GLIS3: variants seen among roughly 807,000 people sequenced by gnomAD.
The protein encoded by GLIS3 is GLIS family zinc finger 3, also known as zinc finger protein GLIS3.
Under a neutral mutation model 78.6 loss-of-function variants are expected in GLIS3, and 53 were observed. The observed-to-expected ratio is 0.67, with a 90% CI of 0.54 to 0.85. GLIS3 has a LOEUF of 0.85. Ranked by LOEUF, GLIS3 falls within the 40% of genes least tolerant of loss-of-function variation. The probability of loss-of-function intolerance (pLI) is 0.00; values close to 1 mark genes in which losing one functional copy is unlikely to be tolerated. For synonymous variants in GLIS3, 684 were observed against 509.9 expected (o/e 1.34, Z -4.60); for missense variants, 1,703 against 1,231.1 (o/e 1.38, Z -5.74).
At chr9:3,854,839 C>T (rs574638948) in intron 9 of GLIS3, among the ~76,000 whole-genome samples, 1 of 152,242 alleles carries the variant, frequency 6.6e-6, no homozygotes, top group East Asian at 1.9e-4. Flanking sequence ...CCACCATGCC[C>T]AGCCTACTTT....
intron 2 of GLIS3, among the ~76,000 whole-genome samples, chr9:4,255,683 G>C (rs866235505): frequency 1.3e-5 from 2 of 152,120 alleles, no homozygotes; most frequent in South Asian, 4.1e-4. Flanking sequence ...AGAGTAAAAA[G>C]ATCAGTGGTT....
intron 2 of GLIS3, among the ~76,000 whole-genome samples, chr9:4,195,662 G>A (rs1336184162): frequency 3.3e-5 from 5 of 152,274 alleles, no homozygotes; most frequent in South Asian, 2.1e-4. Context: ...ACCGCCCAAG[G>A]GCTATGGCAT....
chr9:4,258,699 G>A (rs1048827911), intron 2 of GLIS3, among the ~76,000 whole-genome samples: 2 of 152,280 alleles, frequency 1.3e-5, no homozygotes, highest in East Asian at 1.9e-4. Flanking sequence ...TTGAGTGGCA[G>A]AACTGGGGGT....
At chr9:3,905,411 C>G (rs1823629979) in intron 6 of GLIS3, among the ~76,000 whole-genome samples, 1 of 152,144 alleles carries the variant, frequency 6.6e-6, no homozygotes, top group Admixed American at 6.5e-5. Flanking sequence ...TGTGTATATT[C>G]TGACACCATG....
chr9:4,064,593 C>T (rs62521687), intron 4 of GLIS3, among the ~76,000 whole-genome samples: 2,816 of 152,168 alleles, frequency 0.019, 37 homozygotes, highest in Middle Eastern at 0.034. Flanking sequence ...AGTTTGAGAC[C>T]AGACTGGCCA....
intron 2 of GLIS3, among the ~76,000 whole-genome samples, chr9:4,160,300 G>C (rs1229043195): frequency 6.6e-6 from 1 of 152,214 alleles, no homozygotes; most frequent in Non-Finnish European, 1.5e-5. Context: ...GCACTGACAG[G>C]CTTCAAGACC....
intron 2 of GLIS3, among the ~76,000 whole-genome samples, chr9:4,216,915 G>C (rs1434185237): frequency 1.3e-5 from 2 of 152,140 alleles, no homozygotes; most frequent in African/African-American, 4.8e-5. Context: ...AAATTGATCT[G>C]ATTTGCACAA....
chr9:4,189,952 A>G (rs887260525), intron 2 of GLIS3, among the ~76,000 whole-genome samples: 3 of 152,154 alleles, frequency 2.0e-5, no homozygotes, highest in Non-Finnish European at 4.4e-5. Flanking sequence ...GCAAACTCCA[A>G]GAGACCTGCA....
rs886063949 is a variant in GLIS3 at position 3,827,454 on chromosome 9, G to A, written c.*818C>T. The A allele has an allele frequency of 4.6e-5, 7 of 152,300 alleles. No individual in the cohort carries two copies. The highest frequency in any genetic ancestry group is 7.3e-5 in the Non-Finnish European group (5 of 68,142). The allele number at this position is 152,300 out of a possible 1,614,324, so 9.4% of individuals were successfully genotyped here. ...TTCCAGCTACAGGACTGTTGGTGCGGGAGGTGCCCACTCCATTTCCCTCAG... is the reference window on the plus strand; with the variant it reads ...TTCCAGCTACAGGACTGTTGGTGCGAGAGGTGCCCACTCCATTTCCCTCAG... On this transcript the variant is annotated 3_prime_UTR_variant, in exon 11 of 11. Coordinates refer to ENST00000381971, the MANE Select transcript of GLIS3 (RefSeq NM_001042413.2).
the GLIS3 span, among the ~76,000 whole-genome samples, chr9:4,393,249 A>T: frequency 2.0e-5 from 3 of 152,080 alleles, no homozygotes; most frequent in Non-Finnish European, 4.4e-5. Context: ...TATTTCTGTT[A>T]CTATTTCTAT....
At chr9:4,211,462 G>C (rs1172057781) in intron 2 of GLIS3, among the ~76,000 whole-genome samples, 1 of 152,214 alleles carries the variant, frequency 6.6e-6, no homozygotes, top group Non-Finnish European at 1.5e-5. Flanking sequence ...TGTAAGGAAA[G>C]AGACACTGTG....
chr9:4,459,974 G>A, the GLIS3 span, among the ~76,000 whole-genome samples: 1 of 152,100 alleles, frequency 6.6e-6, no homozygotes, highest in African/African-American at 2.4e-5. Context: ...AATAAGAGCT[G>A]TTTCAGTAGA....
Position 3,948,260 on chromosome 9 carries a change from C to A in GLIS3, c.1711-11071G>T, listed in dbSNP as rs115978224. On this transcript the variant is annotated intron_variant, in intron 4 of 10. Transcript: ENST00000381971. The stretch of plus-strand genomic sequence containing the variant: ...AAACCCTTCATTCTTTCCGCTTGCT[C>A]TTCTCCTTTCTTGTGCTGATTTTAA... Among the ~76,000 whole-genome samples, 790 of 152,302 alleles carry A rather than the reference C, an allele frequency of 5.2e-3. 11 individuals carry two copies. Among genetic ancestry groups the A allele is most frequent in the African/African-American group, 0.018 (758 of 41,574 alleles).
chr9:3,924,825 A>G (rs1483959796), intron 6 of GLIS3, among the ~76,000 whole-genome samples: 1 of 152,214 alleles, frequency 6.6e-6, no homozygotes, highest in Non-Finnish European at 1.5e-5. Context: ...TGAGCTAAAC[A>G]CTTTTATTCC....
intron 9 of GLIS3, among the ~76,000 whole-genome samples, chr9:3,836,011 G>T (rs559724452): frequency 2.0e-5 from 3 of 152,306 alleles, no homozygotes; most frequent in South Asian, 4.1e-4. Flanking sequence ...ACATAGAGAT[G>T]TAATTCTCTT....
chr9:4,441,378 G>A, the GLIS3 span, among the ~76,000 whole-genome samples: 12 of 152,172 alleles, frequency 7.9e-5, no homozygotes, highest in East Asian at 9.6e-4. Flanking sequence ...GTTGAATTTC[G>A]TCAAATGCTT....
the GLIS3 span, among the ~76,000 whole-genome samples, chr9:4,408,725 T>C: frequency 4.9e-5 from 3 of 60,708 alleles, no homozygotes; most frequent in African/African-American, 1.2e-4. Context: ...AGACTCTGTC[T>C]CAAAAAAAAA....
chr9:4,210,788 T>C (rs905506274), intron 2 of GLIS3, among the ~76,000 whole-genome samples: 1 of 152,232 alleles, frequency 6.6e-6, no homozygotes, highest in Non-Finnish European at 1.5e-5. Flanking sequence ...AGTCTCCTTA[T>C]GGTCTCACCA....
intron 4 of GLIS3, among the ~76,000 whole-genome samples, chr9:3,960,530 T>C (rs1791165227): frequency 6.6e-6 from 1 of 152,210 alleles, no homozygotes; most frequent in South Asian, 2.1e-4. Context: ...GCAGGGGTCT[T>C]CTCTTGCTTT....
Sources: allele counts gnomAD v4.1 joint callset (sites outside exome capture counted in the v4.1 genomes callset), GRCh38; gene constraint gnomAD v4.1.1; transcripts MANE v1.5; gene names NCBI Gene and HGNC (gene_info 2026-07-23, HGNC 2026-07-21).